Variants in ZNF532 observed in about 807,000 individuals in gnomAD.
The protein encoded by ZNF532 is zinc finger protein 532.
In ZNF532, 22 loss-of-function variants were observed where a neutral mutation model predicts 89.3. The ratio of observed to expected loss-of-function variants is 0.25; its 90% confidence interval spans 0.18 to 0.35. ZNF532 has a LOEUF of 0.35. Among genes scored for constraint, ZNF532 ranks in the 10% least tolerant of loss-of-function variants. The probability of loss-of-function intolerance (pLI) is 1.00; values close to 1 mark genes in which losing one functional copy is unlikely to be tolerated. For missense variants in ZNF532, 1,132 were observed against 1,643.4 expected (o/e 0.69, Z 5.38); for synonymous variants, 606 against 649.6 (o/e 0.93, Z 1.02).
chr18:58,886,802 T>G (rs1315790000), intron 2 of ZNF532, among the ~76,000 whole-genome samples: 1 of 152,166 alleles, frequency 6.6e-6, no homozygotes, highest in Admixed American at 6.5e-5. Context: ...CATCCAGATA[T>G]AGCACATAGA....
chr18:58,908,447 GAAAT>G lies in ZNF532; in HGVS notation c.-17-9820_-17-9817del, dbSNP rs375025548. Among the ~76,000 whole-genome samples, 356 of 151,422 alleles carry G rather than the reference GAAAT, an allele frequency of 2.4e-3. 1 individual carries two copies. Among genetic ancestry groups the G allele is most frequent in the African/African-American group, 7.7e-3 (320 of 41,348 alleles). ...AAGTTGTTTCATAGAGCTGAAGAAA[GAAAT>G]AAACAGGAAATTCATCAGCTCCCTG... is the stretch of plus-strand genomic sequence containing the variant. On this transcript the variant is annotated intron_variant, in intron 2 of 9. Transcript: ENST00000591808.
intron 2 of ZNF532, among the ~76,000 whole-genome samples, chr18:58,892,948 G>A (rs1243511798): frequency 6.6e-6 from 1 of 151,564 alleles, no homozygotes; most frequent in Non-Finnish European, 1.5e-5. Context: ...AGTTACTCCA[G>A]ATTATCAACT....
At chr18:58,942,066 A>T (rs768711248) in intron 5 of ZNF532, among the ~76,000 whole-genome samples, 10 of 125,742 alleles carry the variant, frequency 8.0e-5, no homozygotes, top group Non-Finnish European at 1.4e-4. Context: ...TGTGTCGCCC[A>T]GGCTGGAGTG....
intron 4 of ZNF532, among the ~76,000 whole-genome samples, chr18:58,936,902 G>C (rs1603236085): frequency 6.6e-6 from 1 of 152,130 alleles, no homozygotes; most frequent in South Asian, 2.1e-4. Context: ...TCTTTAGCCA[G>C]ATGAGTCTAA....
intron 2 of ZNF532, among the ~76,000 whole-genome samples, chr18:58,884,979 GTTT>G (rs34689408): frequency 7.2e-6 from 1 of 138,104 alleles, no homozygotes; most frequent in Non-Finnish European, 1.6e-5. Flanking sequence ...CAGTACAAGG[GTTT>G]TTTTTTTTTT....
upstream of ZNF532, chr18:58,863,276 T>G (rs1198082886): frequency 6.7e-6 from 1 of 148,826 alleles, no homozygotes; most frequent in Non-Finnish European, 1.5e-5. Context: ...CCCGCTCCAC[T>G]CCCGGGGCGA....
At chr18:58,964,741 C>CA (rs772102170) in intron 7 of ZNF532, among the ~76,000 whole-genome samples, 38 of 151,886 alleles carry the variant, frequency 2.5e-4, no homozygotes, top group Non-Finnish European at 4.7e-4. Context: ...TGAACACCAC[C>CA]ATGCCTGGCT....
rs551646942 is a variant in ZNF532 at position 58,948,852 on chromosome 18, T to TG, written c.2868+625dup. ...GATTATAGGCATGAGCCACCGCGCC[T>TG]GGCCGAAGTTTTTCTTTTCTTGAGA... On this transcript the variant is annotated intron_variant, in intron 6 of 9. Coordinates refer to ENST00000591808, the MANE Select transcript of ZNF532 (RefSeq NM_001375912.1). Among the ~76,000 whole-genome samples, 79 of 152,304 alleles carry TG rather than the reference T, an allele frequency of 5.2e-4. 2 individuals carry two copies. The East Asian group carries it at 0.014, about 27-fold the overall frequency.
In ZNF532 at chr18:58,920,183, C is replaced by T. The variant is rs1422249284; in HGVS notation, c.1896C>T (p.Thr632=). The change falls in exon 3 of 10, where the codon ACC becomes ACT. Residue 632 remains threonine, a synonymous_variant. Coordinates refer to ENST00000591808, the MANE Select transcript of ZNF532 (RefSeq NM_001375912.1). The part of the protein sequence containing the change: ...GDSFALEKSL[T]QHYDRRSVRI... The stretch of plus-strand genomic sequence containing the variant: ...CCTTTGCACTTGAAAAGAGTCTGAC[C>T]CAGCACTACGACAGACGGAGCGTGC... 5.0e-6 allele frequency: 8 copies of T among 1,613,672 alleles called. No homozygotes were observed. Among genetic ancestry groups the T allele is most frequent in the Non-Finnish European group, 6.8e-6 (8 of 1,179,752 alleles).
intron 7 of ZNF532, among the ~76,000 whole-genome samples, chr18:58,974,791 ACT>A (rs1365909973): frequency 6.6e-6 from 1 of 152,128 alleles, no homozygotes; most frequent in Admixed American, 6.5e-5. Context: ...CTTCACAGTA[ACT>A]CACAAGCTGC....
intron 2 of ZNF532, among the ~76,000 whole-genome samples, chr18:58,867,243 G>T (rs1387546603): frequency 6.6e-6 from 1 of 151,980 alleles, no homozygotes; most frequent in African/African-American, 2.4e-5. Context: ...AAACCTCTTC[G>T]TAGGGCATTG....
chr18:58,874,839 C>G (rs1450679892), intron 2 of ZNF532, among the ~76,000 whole-genome samples: 2 of 152,128 alleles, frequency 1.3e-5, no homozygotes, highest in Admixed American at 6.5e-5. Context: ...ACTTCGCTTC[C>G]CATGTTTGTT....
chr18:58,875,762 T>C (rs2144742268), intron 2 of ZNF532, among the ~76,000 whole-genome samples: 1 of 152,264 alleles, frequency 6.6e-6, no homozygotes, highest in South Asian at 2.1e-4. Flanking sequence ...GACCCTAGAT[T>C]TGAACCAGGG....
chr18:58,919,178 C>A lies in ZNF532; in HGVS notation c.891C>A (p.Ser297=), dbSNP rs1306714169. Reference sequence around the variant, plus strand: ...AACCAGTGGCCAATTCGAGGGAATCCTCCCCGTTACCAAAAGAAGTAAATG... The same window carrying A: ...AACCAGTGGCCAATTCGAGGGAATCATCCCCGTTACCAAAAGAAGTAAATG... The part of the protein sequence containing the change: ...CKEPVANSRE[S]SPLPKEVNDS... The change falls in exon 3 of 10, where the codon TCC becomes TCA. Residue 297 remains serine (S), a synonymous_variant. Coordinates refer to ENST00000591808, the MANE Select transcript of ZNF532 (RefSeq NM_001375912.1). The surrounding 1 kb of genome is among the most constrained non-coding windows in gnomAD (Gnocchi z 6.1). 3.0e-5 allele frequency: 49 copies of A among 1,614,168 alleles called. No homozygotes were observed. The highest frequency in any genetic ancestry group is 4.0e-5 in the Non-Finnish European group (47 of 1,180,026).
intron 5 of ZNF532, among the ~76,000 whole-genome samples, chr18:58,941,791 T>A (rs1400539600): frequency 2.0e-5 from 3 of 151,892 alleles, no homozygotes; most frequent in Admixed American, 2.0e-4. Context: ...TTCTTCTTTT[T>A]TTCTTTTCTC....
intron 2 of ZNF532, among the ~76,000 whole-genome samples, chr18:58,875,670 C>G (rs1026741260): frequency 1.1e-4 from 16 of 152,172 alleles, no homozygotes; most frequent in Non-Finnish European, 2.1e-4. Context: ...ACTTACTGTC[C>G]CCTGTAAGGT....
intron 7 of ZNF532, among the ~76,000 whole-genome samples, chr18:58,966,738 G>GTTCTGTTTTTTT (rs2065948733): frequency 7.9e-6 from 1 of 125,994 alleles, no homozygotes; most frequent in African/African-American, 2.7e-5. Flanking sequence ...ATTTTTTTGT[G>GTTCTGTTTTTTT]TTTTTTTTTT....
chr18:58,952,352 T>C (rs1346057657), intron 6 of ZNF532, among the ~76,000 whole-genome samples: 1 of 152,204 alleles, frequency 6.6e-6, no homozygotes, highest in Non-Finnish European at 1.5e-5. Context: ...AATTGTATAT[T>C]GTATACAGAG....
intron 2 of ZNF532, among the ~76,000 whole-genome samples, chr18:58,893,646 G>A (rs2059055743): frequency 7.3e-6 from 1 of 137,456 alleles, no homozygotes; most frequent in Admixed American, 7.4e-5. Flanking sequence ...GACAAAGCAA[G>A]ACTCTGTCTC....
Sources: allele counts gnomAD v4.1 joint callset (sites outside exome capture counted in the v4.1 genomes callset), GRCh38; gene constraint gnomAD v4.1.1; non-coding constraint Gnocchi (gnomAD v3.1); transcripts MANE v1.5; gene names NCBI Gene and HGNC (gene_info 2026-07-23, HGNC 2026-07-21).